Variants in CAPN2 observed in about 807,000 individuals in gnomAD.
The protein encoded by CAPN2 is calpain 2, also known as calpain-2 catalytic subunit.
In CAPN2, 92 loss-of-function variants were observed where a neutral mutation model predicts 102.3. The observed-to-expected ratio is 0.90, with a 90% CI of 0.76 to 1.07. The LOEUF (loss-of-function observed/expected upper bound fraction) is 1.07. Ranked by LOEUF, CAPN2 falls within the 50% of genes least tolerant of loss-of-function variation. The pLI, the probability that CAPN2 is intolerant of heterozygous loss-of-function variation, is 0.00. For missense variants in CAPN2, 800 were observed against 909.4 expected, an observed-to-expected ratio of 0.88 and a Z score of 1.55; for synonymous variants, 340 against 355.4, an observed-to-expected ratio of 0.96 and a Z score of 0.49.
At chr1:223,732,033 C>T (rs925497769) in intron 2 of CAPN2, among the ~76,000 whole-genome samples, 1 of 152,166 alleles carries the variant, frequency 6.6e-6, no homozygotes, top group Non-Finnish European at 1.5e-5. Flanking sequence ...CTAAAGACAC[C>T]TTCACCCCGA....
In CAPN2 at chr1:223,712,886, C is replaced by T. The variant is rs1443214973; in HGVS notation, c.237+9C>T. 2 of 1,512,632 alleles carry T rather than the reference C, an allele frequency of 1.3e-6. No individual in the cohort carries two copies. The highest frequency in any genetic ancestry group is 1.8e-6 in the Non-Finnish European group (2 of 1,130,670). The allele number at this position is 1,512,632 out of a possible 1,614,324, so 93.7% of individuals were successfully genotyped here. A position where few individuals can be genotyped will look rare whatever the true frequency, so the allele number is the denominator to read the frequency against. On this transcript the variant is annotated intron_variant, in intron 1 of 20. Transcript: ENST00000295006. The stretch of plus-strand genomic sequence containing the variant: ...AGTGGAAGCGCCCCACGGTAGGAAG[C>T]GCGCGGCAGGACGCGGGCAGGGCGG...
chr1:223,743,120 T>C (rs1282407515), intron 2 of CAPN2, among the ~76,000 whole-genome samples: 2 of 152,194 alleles, frequency 1.3e-5, no homozygotes, highest in Non-Finnish European at 2.9e-5. Context: ...TGGCACCAAA[T>C]GGGTGCCGAG....
intron 2 of CAPN2, among the ~76,000 whole-genome samples, chr1:223,733,909 G>A (rs1165054742): frequency 3.3e-5 from 5 of 152,210 alleles, no homozygotes; most frequent in Non-Finnish European, 7.3e-5. Context: ...GCACAAACGT[G>A]GTAAACGTTC....
Position 223,759,008 on chromosome 1 carries a change from T to TA in CAPN2, c.1318-258dup, listed in dbSNP as rs1661115246. The TA allele has an allele frequency of 2.1e-6, 1 of 487,278 alleles. No individual in the cohort carries two copies. The allele number at this position is 487,278 out of a possible 1,614,324, so 30.2% of individuals were successfully genotyped here. On this transcript the variant is annotated intron_variant, in intron 11 of 20. Transcript: ENST00000295006. The surrounding 1 kb of genome is among the most constrained non-coding windows in gnomAD (Gnocchi z 4.6). Reference sequence around the variant, plus strand: ...ACCTAACAAAAGTTTGCTTTTTATCTAAAATGACCCAGGCATTGTCACTGT... The same window carrying TA: ...ACCTAACAAAAGTTTGCTTTTTATCTAAAAATGACCCAGGCATTGTCACTGT...
chr1:223,765,185 A>G (rs1166457766), intron 15 of CAPN2, among the ~76,000 whole-genome samples: 1 of 152,216 alleles, frequency 6.6e-6, no homozygotes, highest in Non-Finnish European at 1.5e-5. Flanking sequence ...TTCAAGGGAC[A>G]TCATTCCCTC....
intron 1 of CAPN2, among the ~76,000 whole-genome samples, chr1:223,706,520 G>A (rs548855533): frequency 1.3e-5 from 2 of 152,126 alleles, no homozygotes; most frequent in Non-Finnish European, 2.9e-5. Context: ...TGGGCCTGCC[G>A]TTCCCTCTGC....
chr1:223,766,585 T>A (rs923144315), intron 16 of CAPN2, among the ~76,000 whole-genome samples, 154 bp downstream of exon 16: 1 of 152,154 alleles, frequency 6.6e-6, no homozygotes, highest in Non-Finnish European at 1.5e-5. Flanking sequence ...CTGACCTCCC[T>A]TACTAGGGAA....
upstream of CAPN2, among the ~76,000 whole-genome samples, chr1:223,709,118 G>GGGCAGGGAAGTGACTT (rs1401184579): frequency 2.0e-5 from 3 of 152,090 alleles, no homozygotes; most frequent in Non-Finnish European, 2.9e-5. Context: ...AGGAGAAGCT[G>GGGCAGGGAAGTGACTT]GGCAGGGAAG....
chr1:223,757,242 C>T lies in CAPN2; in HGVS notation c.1306-127C>T, dbSNP rs28370101. The T allele has an allele frequency of 7.3e-4, 755 of 1,037,868 alleles. 4 individuals carry two copies. The African/African-American group carries it at 0.01, about 14-fold the overall frequency. The allele number at this position is 1,037,868 out of a possible 1,614,324, so 64.3% of individuals were successfully genotyped here. A position where few individuals can be genotyped will look rare whatever the true frequency, so the allele number is the denominator to read the frequency against. On this transcript the variant is annotated intron_variant, in intron 10 of 20. Coordinates refer to ENST00000295006, the MANE Select transcript of CAPN2 (RefSeq NM_001748.5). ...CTTTGAGTTCCTTGGAAAACAGTTA[C>T]TCGGTTGAATTAGTTGATATTGCTA...
upstream of CAPN2, among the ~76,000 whole-genome samples, chr1:223,710,885 A>T (rs999746831): frequency 7.8e-6 from 1 of 128,912 alleles, no homozygotes; most frequent in African/African-American, 2.9e-5. Flanking sequence ...TCTTAAATGT[A>T]CTTGACTGAT....
intron 1 of CAPN2, among the ~76,000 whole-genome samples, chr1:223,704,119 C>T (rs1250643474): frequency 6.6e-6 from 1 of 152,020 alleles, no homozygotes; most frequent in Non-Finnish European, 1.5e-5. Flanking sequence ...GGTGAAACCC[C>T]GTCTCTACTA....
intron 2 of CAPN2, among the ~76,000 whole-genome samples, chr1:223,733,764 G>A (rs935246572): frequency 6.6e-6 from 1 of 152,230 alleles, no homozygotes; most frequent in Non-Finnish European, 1.5e-5. Flanking sequence ...AATTCAGAGA[G>A]GATTTCCCAG....
At position 223,752,835 on chromosome 1, in the gene CAPN2, G is replaced by A. The variant is rs1310686530; in HGVS notation, c.1014G>A (p.Leu338=). The change falls in exon 9 of 21, where the codon CTG becomes CTA. Residue 338 remains leucine, a synonymous_variant. Coordinates refer to ENST00000295006, the MANE Select transcript of CAPN2 (RefSeq NM_001748.5). ...ACTTCCTGAGGCACTATTCCCGCCT[G>A]GAGATCTGTAACCTGACCCCAGACA... The part of the protein sequence containing the change: ...FSDFLRHYSR[L]EICNLTPDTL... 1 of 1,614,112 alleles carries A rather than the reference G, an allele frequency of 6.2e-7. No homozygotes were observed. Among genetic ancestry groups the A allele is most frequent in the African/African-American group, 1.3e-5 (1 of 75,006 alleles).
At position 223,759,956 on chromosome 1, in the gene CAPN2, C is replaced by T. The variant is rs2102809762; in HGVS notation, c.1529+475C>T. Among the ~76,000 whole-genome samples, 1 of 152,258 alleles carries T rather than the reference C, an allele frequency of 6.6e-6. No individual in the cohort carries two copies. The highest frequency in any genetic ancestry group is 2.4e-5 in the African/African-American group (1 of 41,552). On this transcript the variant is annotated intron_variant, in intron 12 of 20. Coordinates refer to ENST00000295006, the MANE Select transcript of CAPN2 (RefSeq NM_001748.5). This position sits in a 1 kb window ranked among gnomAD's most constrained non-coding sequence, Gnocchi z 4.6. ...TTATAGTTGTCATGTCACCAGCTCT[C>T]TCTCCCCTTCCTCATGGGATCCCAC...
At chr1:223,741,293 A>G (rs1362483925) in intron 2 of CAPN2, among the ~76,000 whole-genome samples, 2 of 151,546 alleles carry the variant, frequency 1.3e-5, no homozygotes, top group Non-Finnish European at 2.9e-5. Context: ...CAGAAGCAAA[A>G]AAAGTAGGAT....
intron 5 of CAPN2, 115 bp downstream of exon 5, chr1:223,747,280 C>A: frequency 9.8e-7 from 1 of 1,018,844 alleles, no homozygotes; most frequent in Non-Finnish European, 1.4e-6. Flanking sequence ...AGCCCTCGTC[C>A]ACGTAGGGGC....
chr1:223,704,146 C>T (rs1324784356), intron 1 of CAPN2, among the ~76,000 whole-genome samples: 1 of 152,068 alleles, frequency 6.6e-6, no homozygotes, highest in East Asian at 1.9e-4. Flanking sequence ...CAAAAATTAG[C>T]AGGGCATGGT....
At chr1:223,769,394 T>TA (rs912674735) in intron 16 of CAPN2, among the ~76,000 whole-genome samples, 9 of 152,124 alleles carry the variant, frequency 5.9e-5, no homozygotes, top group Admixed American at 5.2e-4. Context: ...GTGCTGGGAT[T>TA]AGAGGTGTGA....
upstream of CAPN2, among the ~76,000 whole-genome samples, chr1:223,710,503 G>A (rs575954965): frequency 2.3e-4 from 35 of 151,944 alleles, 1 homozygote; most frequent in South Asian, 5.4e-3. Context: ...CTCCTTAGCC[G>A]AGGCTCTTAA....
Sources: allele counts gnomAD v4.1 joint callset (sites outside exome capture counted in the v4.1 genomes callset), GRCh38; gene constraint gnomAD v4.1.1; non-coding constraint Gnocchi (gnomAD v3.1); transcripts MANE v1.5; gene names NCBI Gene and HGNC (gene_info 2026-07-23, HGNC 2026-07-21).